PPARGC1A: variants seen among roughly 807,000 people sequenced by gnomAD.
PPARGC1A encodes peroxisome proliferator-activated receptor gamma coactivator 1-alpha.
In PPARGC1A, 25 loss-of-function variants were observed where a neutral mutation model predicts 88.7. The observed-to-expected ratio is 0.28, with a 90% confidence interval of 0.21 to 0.39. The LOEUF is 0.39. Ranked by LOEUF, PPARGC1A falls within the 10% of genes least tolerant of loss-of-function variation. PPARGC1A has a pLI of 1.00. For missense variants in PPARGC1A, 880 were observed against 968.7 expected, an observed-to-expected ratio of 0.91 and a Z score of 1.22; for synonymous variants, 363 against 355.6, an observed-to-expected ratio of 1.02 and a Z score of -0.24.
At chr4:23,882,159 A>G (rs1577645067) in intron 2 of PPARGC1A, 2 of 152,202 alleles carry the variant, frequency 1.3e-5, no homozygotes, top group Admixed American at 1.3e-4. Flanking sequence ...TCGATAAAGA[A>G]TGGGCTTTGT....
the PPARGC1A span, among the ~76,000 whole-genome samples, chr4:23,925,632 AAAG>A: frequency 7.9e-5 from 12 of 152,330 alleles, no homozygotes; most frequent in African/African-American, 2.9e-4. Context: ...ATTCAGTTAA[AAAG>A]AAGAATTGAC....
At chr4:24,417,814 A>G in the PPARGC1A span, among the ~76,000 whole-genome samples, 2 of 152,134 alleles carry the variant, frequency 1.3e-5, no homozygotes, top group African/African-American at 4.8e-5. Flanking sequence ...TAGATGATAT[A>G]AATTTCTAAA....
the PPARGC1A span, among the ~76,000 whole-genome samples, chr4:24,026,708 C>T: frequency 2.0e-5 from 3 of 152,166 alleles, no homozygotes; most frequent in Non-Finnish European, 4.4e-5. Context: ...CACTCTGAAC[C>T]TTGGAGTGTC....
At chr4:24,433,834 A>G in the PPARGC1A span, among the ~76,000 whole-genome samples, 1 of 152,186 alleles carries the variant, frequency 6.6e-6, no homozygotes, top group Non-Finnish European at 1.5e-5. Flanking sequence ...CTGAAACTCA[A>G]GAAGCTATTA....
the PPARGC1A span, among the ~76,000 whole-genome samples, chr4:24,440,108 G>C: frequency 6.6e-6 from 1 of 152,156 alleles, no homozygotes; most frequent in East Asian, 1.9e-4. Context: ...TGTGCAATTT[G>C]TTTCACAATT....
rs376854851 is a variant in PPARGC1A at position 23,832,602 on chromosome 4, TTTTC to T, written c.235-855_235-852del. ...CCAGTGCACTATTATTTCTTTTTCT[TTTTC>T]TTTTTCTTTTTTTTTTTTTTTGAGA... On this transcript the variant is annotated intron_variant, in intron 2 of 12. Coordinates refer to ENST00000264867, the MANE Select transcript of PPARGC1A (RefSeq NM_013261.5). Among the ~76,000 whole-genome samples, 615 of 149,366 alleles carry T rather than the reference TTTTC, an allele frequency of 4.1e-3. 2 individuals are homozygous for T. The highest frequency in any genetic ancestry group is 0.015 in the African/African-American group (589 of 39,752).
the PPARGC1A span, among the ~76,000 whole-genome samples, chr4:24,135,246 C>T: frequency 6.6e-6 from 1 of 152,038 alleles, no homozygotes; most frequent in Non-Finnish European, 1.5e-5. Flanking sequence ...CTGTGAGGAG[C>T]CATCCTGAGT....
chr4:24,078,612 C>T, the PPARGC1A span, among the ~76,000 whole-genome samples: 20 of 152,098 alleles, frequency 1.3e-4, no homozygotes, highest in Admixed American at 5.2e-4. Flanking sequence ...CACTCTGACC[C>T]GTATCTCACC....
chr4:24,177,104 A>C, the PPARGC1A span, among the ~76,000 whole-genome samples: 5 of 152,286 alleles, frequency 3.3e-5, no homozygotes, highest in East Asian at 9.7e-4. Context: ...TGACCCAGCA[A>C]TCCCATTACT....
At chr4:23,983,368 T>C in the PPARGC1A span, among the ~76,000 whole-genome samples, 1 of 152,162 alleles carries the variant, frequency 6.6e-6, no homozygotes, top group Non-Finnish European at 1.5e-5. Context: ...AGTATCTTAT[T>C]ATAACGTGCT....
upstream of PPARGC1A, among the ~76,000 whole-genome samples, chr4:23,893,058 A>G (rs754512502): frequency 5.3e-5 from 8 of 152,126 alleles, no homozygotes; most frequent in Non-Finnish European, 1.0e-4. Context: ...CCAATGTTGC[A>G]TATCTACACA....
chr4:23,826,371 T>C (rs1219714096), intron 5 of PPARGC1A, among the ~76,000 whole-genome samples: 4 of 152,192 alleles, frequency 2.6e-5, no homozygotes, highest in Admixed American at 1.3e-4. Flanking sequence ...GTCAGGAATG[T>C]GTCTTTTTCA....
At chr4:23,866,388 C>A (rs990495575) in intron 2 of PPARGC1A, 1 of 152,128 alleles carries the variant, frequency 6.6e-6, no homozygotes, top group African/African-American at 2.4e-5. Context: ...ATAAAATCCT[C>A]TTTTTATAAC....
chr4:23,901,258 T>C (rs1286178814), upstream of PPARGC1A, among the ~76,000 whole-genome samples: 1 of 150,952 alleles, frequency 6.6e-6, no homozygotes, highest in Non-Finnish European at 1.5e-5. Flanking sequence ...TAGTCCCAGC[T>C]ACTAGGGAGG....
At chr4:24,345,135 C>A in the PPARGC1A span, among the ~76,000 whole-genome samples, 1 of 152,124 alleles carries the variant, frequency 6.6e-6, no homozygotes, top group Admixed American at 6.6e-5. Flanking sequence ...TATACCAGTA[C>A]CACACTGTTT....
chr4:24,021,341 A>G, the PPARGC1A span, among the ~76,000 whole-genome samples: 1 of 152,212 alleles, frequency 6.6e-6, no homozygotes, highest in Non-Finnish European at 1.5e-5. Flanking sequence ...CCCACGGCTA[A>G]GAAGCACACA....
At chr4:23,862,672 G>T (rs1731425355) in intron 2 of PPARGC1A, among the ~76,000 whole-genome samples, 1 of 152,100 alleles carries the variant, frequency 6.6e-6, no homozygotes, top group South Asian at 2.1e-4. Context: ...TTTTAACATT[G>T]TCTTAAGATG....
chr4:24,027,345 AC>A, the PPARGC1A span, among the ~76,000 whole-genome samples: 1 of 152,128 alleles, frequency 6.6e-6, no homozygotes, highest in African/African-American at 2.4e-5. Context: ...TTCAGTTCTT[AC>A]TACCCAAGTC....
the PPARGC1A span, among the ~76,000 whole-genome samples, chr4:24,140,148 G>A: frequency 6.6e-6 from 1 of 152,118 alleles, no homozygotes; most frequent in Non-Finnish European, 1.5e-5. Flanking sequence ...TGAAACGCTA[G>A]GCCACAAGGG....
Sources: allele counts gnomAD v4.1 joint callset (sites outside exome capture counted in the v4.1 genomes callset), GRCh38; gene constraint gnomAD v4.1.1; transcripts MANE v1.5; gene names NCBI Gene and HGNC (gene_info 2026-07-23, HGNC 2026-07-21).